EHBP1: variants seen among roughly 807,000 people sequenced by gnomAD.
EHBP1 encodes EH domain binding protein 1.
Under a neutral mutation model 144.0 loss-of-function variants are expected in EHBP1, and 55 were observed. The observed-to-expected ratio is 0.38, with a 90% CI of 0.31 to 0.48. EHBP1 has a LOEUF of 0.48. EHBP1 is among the 20% of genes least tolerant of loss of function. EHBP1 has a pLI of 0.98. For missense variants in EHBP1, 1,200 were observed against 1,364.2 expected (o/e 0.88, Z 1.90); for synonymous variants, 469 against 472.7 (o/e 0.99, Z 0.10).
intron 19 of EHBP1, among the ~76,000 whole-genome samples, chr2:63,014,326 A>G (rs1239221178): frequency 1.3e-5 from 2 of 152,168 alleles, no homozygotes; most frequent in Non-Finnish European, 1.5e-5. Flanking sequence ...CTGCTTTTCC[A>G]TGTAGCCTTG....
intron 7 of EHBP1, among the ~76,000 whole-genome samples, chr2:62,846,982 G>A (rs1323974888): frequency 6.6e-6 from 1 of 152,084 alleles, no homozygotes; most frequent in Non-Finnish European, 1.5e-5. Flanking sequence ...AAATTCAAAA[G>A]TGATTCTAAA....
chr2:62,874,075 AAC>A (rs1156698122), intron 9 of EHBP1, among the ~76,000 whole-genome samples: 1 of 152,220 alleles, frequency 6.6e-6, no homozygotes, highest in Non-Finnish European at 1.5e-5. Context: ...GTTAATATTT[AAC>A]ATTTTTCTAA....
At chr2:62,898,915 A>G (rs966023853) in intron 10 of EHBP1, among the ~76,000 whole-genome samples, 1 of 152,202 alleles carries the variant, frequency 6.6e-6, no homozygotes, top group African/African-American at 2.4e-5. Flanking sequence ...TTTAGCTTCT[A>G]CTTCCATTGT....
intron 7 of EHBP1, among the ~76,000 whole-genome samples, chr2:62,846,939 C>T (rs2048337260): frequency 6.6e-6 from 1 of 152,090 alleles, no homozygotes; most frequent in South Asian, 2.1e-4. Context: ...CAATGCCAGT[C>T]ATAATCCTAG....
At chr2:62,821,724 A>G (rs1374096670) in intron 5 of EHBP1, among the ~76,000 whole-genome samples, 2 of 152,138 alleles carry the variant, frequency 1.3e-5, no homozygotes, top group African/African-American at 4.8e-5. Context: ...ATGAACTAAC[A>G]GTTATGCCAT....
chr2:62,795,098 GA>G (rs904272137), intron 5 of EHBP1, among the ~76,000 whole-genome samples: 49 of 149,652 alleles, frequency 3.3e-4, no homozygotes, highest in Non-Finnish European at 4.3e-4. Flanking sequence ...ATTAGCAAAA[GA>G]AAAAAAAAGG....
intron 10 of EHBP1, among the ~76,000 whole-genome samples, chr2:62,884,976 A>C (rs186357623): frequency 6.6e-6 from 1 of 152,222 alleles, no homozygotes; most frequent in Non-Finnish European, 1.5e-5. Flanking sequence ...AATTGGTTTT[A>C]TTATTTGTAA....
intron 19 of EHBP1, among the ~76,000 whole-genome samples, chr2:63,022,472 A>G (rs567506158): frequency 1.6e-4 from 24 of 151,648 alleles, no homozygotes; most frequent in African/African-American, 5.8e-4. Flanking sequence ...GCACCACCAC[A>G]CTCAGGTTAT....
At chr2:63,009,161 C>T (rs1203718548) in intron 19 of EHBP1, among the ~76,000 whole-genome samples, 1 of 151,636 alleles carries the variant, frequency 6.6e-6, no homozygotes, top group East Asian at 1.9e-4. Context: ...GGAGAAATTG[C>T]ATGACTTGCT....
At chr2:62,839,726 C>G (rs1289840290) in intron 7 of EHBP1, among the ~76,000 whole-genome samples, 1 of 152,178 alleles carries the variant, frequency 6.6e-6, no homozygotes, top group Non-Finnish European at 1.5e-5. Context: ...CATGAGTCAA[C>G]TCCCATTCAC....
intron 10 of EHBP1, chr2:62,940,316 A>G (rs1016829776): frequency 8.3e-6 from 2 of 240,556 alleles, no homozygotes; most frequent in Admixed American, 4.0e-5. Flanking sequence ...ATTGATTATC[A>G]GTTGTTTTTT....
chr2:62,690,209 A>T (rs2033857942), intron 1 of EHBP1, among the ~76,000 whole-genome samples: 1 of 152,156 alleles, frequency 6.6e-6, no homozygotes, highest in Non-Finnish European at 1.5e-5. Flanking sequence ...TAGCAGAAAA[A>T]GCCCAACTGG....
Position 63,045,098 on chromosome 2 carries a change from G to A in EHBP1, c.3310G>A (p.Glu1104Lys), listed in dbSNP as rs1216052104. The stretch of plus-strand genomic sequence containing the variant: ...GAAGACCGAGGCCCAGAAGCGACGC[G>A]AACAGCTTCTGCTAGATGAGCTGGT... ...WQKTEAQKRR[E>K]QLLLDELVAL... Residue 1104 changes from glutamate to lysine, a missense_variant, in exon 22 of 23, where the codon GAA becomes AAA. Physicochemically the swap from Glu to Lys is moderately conservative, Grantham distance 56. Around this residue, in one of 6 missense-constraint regions of EHBP1, gnomAD observed 149 missense variants for 217.0 expected, o/e 0.69. Transcript: ENST00000431489. This position sits in a 1 kb window ranked among gnomAD's most constrained non-coding sequence, Gnocchi z 5.7. 3 of 1,583,032 alleles carry A rather than the reference G, an allele frequency of 1.9e-6. No homozygotes were observed. The highest frequency in any genetic ancestry group is 1.8e-5 in the Admixed American group (1 of 55,962).
chr2:62,750,845 CTT>C (rs2039629369), intron 3 of EHBP1, among the ~76,000 whole-genome samples: 1 of 152,326 alleles, frequency 6.6e-6, no homozygotes, highest in Non-Finnish European at 1.5e-5. Flanking sequence ...TGTCCTGAGA[CTT>C]TGCTGAAGTT....
At chr2:62,990,362 CTT>C (rs1177696323) in intron 15 of EHBP1, among the ~76,000 whole-genome samples, 1 of 151,978 alleles carries the variant, frequency 6.6e-6, no homozygotes, top group Non-Finnish European at 1.5e-5. Flanking sequence ...AAATGTATCT[CTT>C]CTTTTAAATA....
At chr2:62,925,196 G>T (rs1417388198) in intron 10 of EHBP1, among the ~76,000 whole-genome samples, 1 of 152,010 alleles carries the variant, frequency 6.6e-6, no homozygotes, top group African/African-American at 2.4e-5. Context: ...AGGTATAGAA[G>T]GTTAATACCT....
At chr2:62,948,157 G>T in intron 12 of EHBP1, 103 bp from the exon 13 acceptor site, 1 of 1,024,996 alleles carries the variant, frequency 9.8e-7, no homozygotes. Flanking sequence ...ACATAATGTC[G>T]ATAACATGTA....
At chr2:62,751,321 C>G (rs2039695564) in intron 3 of EHBP1, among the ~76,000 whole-genome samples, 2 of 152,140 alleles carry the variant, frequency 1.3e-5, no homozygotes, top group East Asian at 3.8e-4. Context: ...GCCTTGCATT[C>G]CAGGGATGAA....
chr2:62,834,522 A>G (rs1015427807), intron 7 of EHBP1, among the ~76,000 whole-genome samples: 2 of 152,238 alleles, frequency 1.3e-5, no homozygotes, highest in Non-Finnish European at 2.9e-5. Flanking sequence ...GCATTTTTTA[A>G]TTAAGGTATA....
Sources: gnomAD v4.1 joint callset for allele counts (sites outside exome capture counted in the v4.1 genomes callset) on GRCh38, gnomAD v4.1.1 for gene constraint, gnomAD v4.1.1 regional missense constraint, Gnocchi (gnomAD v3.1) non-coding constraint, MANE v1.5 for transcripts, NCBI Gene and HGNC (gene_info 2026-07-23, HGNC 2026-07-21) for gene names.